The following SAMD12 variants were observed in gnomAD, a reference collection of about 807,000 sequenced individuals.
SAMD12 encodes sterile alpha motif domain containing 12, also known as sterile alpha motif domain-containing protein 12.
Under a neutral mutation model 15.0 loss-of-function variants are expected in SAMD12, and 9 were observed. That is an observed-to-expected ratio of 0.60 (90% CI 0.36 to 1.05). The LOEUF is 1.05. Ranked by LOEUF, SAMD12 falls within the 50% of genes least tolerant of loss-of-function variation. The probability of loss-of-function intolerance (pLI) is 0.01; values close to 1 mark genes in which losing one functional copy is unlikely to be tolerated. For synonymous variants in SAMD12, 86 were observed against 90.1 expected, an observed-to-expected ratio of 0.96 and a Z score of 0.25; for missense variants, 230 against 234.2, an observed-to-expected ratio of 0.98 and a Z score of 0.12.
At chr8:118,533,598 G>T (rs1480635991) in intron 2 of SAMD12, among the ~76,000 whole-genome samples, 1 of 152,118 alleles carries the variant, frequency 6.6e-6, no homozygotes, top group Non-Finnish European at 1.5e-5. Context: ...GGTCTCTAAG[G>T]ACTTGCTTTA....
chr8:118,265,350 A>T (rs1813173750), intron 4 of SAMD12, among the ~76,000 whole-genome samples: 2 of 152,124 alleles, frequency 1.3e-5, no homozygotes, highest in African/African-American at 4.8e-5. Flanking sequence ...TTATTTATTT[A>T]TTTTAGAATG....
intron 3 of SAMD12, among the ~76,000 whole-genome samples, chr8:118,412,020 T>C (rs934220962): frequency 6.6e-6 from 1 of 152,194 alleles, no homozygotes; most frequent in Non-Finnish European, 1.5e-5. Context: ...ACAAAGACCA[T>C]ATGTGGCAAA....
chr8:118,618,993 C>T (rs1215142523), intron 1 of SAMD12, among the ~76,000 whole-genome samples: 1 of 152,106 alleles, frequency 6.6e-6, no homozygotes, highest in Non-Finnish European at 1.5e-5. Context: ...TTCTCTGAAG[C>T]AGCATTTCTC....
intron 3 of SAMD12, among the ~76,000 whole-genome samples, chr8:118,438,676 T>A (rs764438502): frequency 7.2e-5 from 11 of 152,140 alleles, no homozygotes; most frequent in Non-Finnish European, 1.3e-4. Context: ...AAAGAAATAC[T>A]TTCTGCTTAA....
intron 2 of SAMD12, among the ~76,000 whole-genome samples, chr8:118,442,340 T>A (rs761074173): frequency 6.6e-6 from 1 of 152,200 alleles, no homozygotes; most frequent in South Asian, 2.1e-4. Context: ...CAGCAGTGAC[T>A]TTCACGTTCA....
intron 3 of SAMD12, among the ~76,000 whole-genome samples, chr8:118,430,652 G>A (rs113139243): frequency 1.2e-4 from 18 of 152,028 alleles, no homozygotes; most frequent in African/African-American, 4.3e-4. Context: ...GAGCCACCAC[G>A]CTCAGACTAA....
chr8:118,281,756 C>T (rs909071671), intron 4 of SAMD12, among the ~76,000 whole-genome samples: 1 of 152,196 alleles, frequency 6.6e-6, no homozygotes, highest in African/African-American at 2.4e-5. Context: ...AATGCAGGTC[C>T]TCTACCAAGT....
At chr8:118,250,328 A>T (rs1283720599) in intron 4 of SAMD12, among the ~76,000 whole-genome samples, 1 of 152,098 alleles carries the variant, frequency 6.6e-6, no homozygotes, top group Non-Finnish European at 1.5e-5. Flanking sequence ...TAAGAATGGG[A>T]AAAATAAGGG....
At chr8:118,445,184 ACAAAC>A (rs1166063251) in intron 2 of SAMD12, among the ~76,000 whole-genome samples, 1 of 152,204 alleles carries the variant, frequency 6.6e-6, no homozygotes, top group Non-Finnish European at 1.5e-5. Flanking sequence ...CACATACACA[ACAAAC>A]CATTAATGTC....
At chr8:118,588,459 T>G (rs1827504743) in intron 1 of SAMD12, among the ~76,000 whole-genome samples, 1 of 152,134 alleles carries the variant, frequency 6.6e-6, no homozygotes, top group Non-Finnish European at 1.5e-5. Context: ...TTAAAGTGAT[T>G]GGAAAAAAAC....
At chr8:118,496,688 A>G (rs1238561842) in intron 2 of SAMD12, among the ~76,000 whole-genome samples, 1 of 152,180 alleles carries the variant, frequency 6.6e-6, no homozygotes, top group Non-Finnish European at 1.5e-5. Flanking sequence ...AAGTCTCCAA[A>G]AGCAATTGCA....
At chr8:118,621,535 G>A (rs1828406487) in intron 1 of SAMD12, 2 of 494,160 alleles carry the variant, frequency 4.0e-6, no homozygotes, top group Non-Finnish European at 3.6e-6. Flanking sequence ...CCATTTCCAG[G>A]ATATCGTTTC....
At chr8:118,240,752 A>G (rs1196100355) in intron 4 of SAMD12, among the ~76,000 whole-genome samples, 1 of 145,926 alleles carries the variant, frequency 6.9e-6, no homozygotes. Context: ...TGGATTATGC[A>G]AAAGGAATTT....
At chr8:118,493,860 C>T (rs143105765) in intron 2 of SAMD12, among the ~76,000 whole-genome samples, 2,017 of 152,224 alleles carry the variant, frequency 0.013, 21 homozygotes, top group Middle Eastern at 0.027. Flanking sequence ...TGGCATCACC[C>T]GATGGCAGGA....
intron 1 of SAMD12, among the ~76,000 whole-genome samples, chr8:118,588,392 A>C (rs980825499): frequency 1.3e-5 from 2 of 152,232 alleles, no homozygotes; most frequent in African/African-American, 4.8e-5. Flanking sequence ...CCATTGACCA[A>C]ATCCATCCTG....
intron 1 of SAMD12, among the ~76,000 whole-genome samples, chr8:118,613,145 C>A (rs1828147936): frequency 6.6e-6 from 1 of 152,148 alleles, no homozygotes; most frequent in South Asian, 2.1e-4. Flanking sequence ...CAAGACTATA[C>A]ATTTACCAAA....
At position 118,378,918 on chromosome 8, in the gene SAMD12, T is replaced by G; in HGVS notation, c.*499A>C. 1 of 945,974 alleles carries G rather than the reference T, an allele frequency of 1.1e-6. No homozygotes were observed. 58.6% of individuals were successfully genotyped at this position (945,974 alleles called of 1,614,324 possible). Reference sequence around the variant, plus strand: ...ATAATTCCTGTTAAGAATTATATACTCTTAACAGTGTAGTTTTAGATTCAC... The same window carrying G: ...ATAATTCCTGTTAAGAATTATATACGCTTAACAGTGTAGTTTTAGATTCAC... On this transcript the variant is annotated 3_prime_UTR_variant, in exon 4 of 4. Coordinates refer to ENST00000314727, the MANE Select transcript of SAMD12 (RefSeq NM_207506.3).
chr8:118,272,921 A>G (rs900044589), intron 4 of SAMD12, among the ~76,000 whole-genome samples: 1 of 152,180 alleles, frequency 6.6e-6, no homozygotes, highest in African/African-American at 2.4e-5. Context: ...GAAGTTCCAA[A>G]TGTTCACACA....
At chr8:118,421,094 C>T (rs1301616290) in intron 3 of SAMD12, among the ~76,000 whole-genome samples, 1 of 152,178 alleles carries the variant, frequency 6.6e-6, no homozygotes, top group Non-Finnish European at 1.5e-5. Context: ...ACCTATTTTA[C>T]CTTACTAGTT....
Sources: allele counts gnomAD v4.1 joint callset (sites outside exome capture counted in the v4.1 genomes callset), GRCh38; gene constraint gnomAD v4.1.1; transcripts MANE v1.5; gene names NCBI Gene and HGNC (gene_info 2026-07-23, HGNC 2026-07-21).